RAB8B: variants seen among roughly 807,000 people sequenced by gnomAD.
The protein encoded by RAB8B is ras-related protein Rab-8B.
RAB8B carries 11 observed loss-of-function variants against 32.0 expected under a neutral mutation model. The observed-to-expected ratio is 0.34, with a 90% CI of 0.22 to 0.57. The LOEUF is 0.57. Among genes scored for constraint, RAB8B ranks in the 20% least tolerant of loss-of-function variants. The pLI is 0.86. For synonymous variants in RAB8B, 103 were observed against 89.6 expected (o/e 1.15, Z -0.85); for missense variants, 190 against 258.5 (o/e 0.73, Z 1.82).
At chr15:63,198,055 G>A (rs2037618134) in intron 1 of RAB8B, among the ~76,000 whole-genome samples, 1 of 152,060 alleles carries the variant, frequency 6.6e-6, no homozygotes, top group Non-Finnish European at 1.5e-5. Context: ...TGTGTTTTGG[G>A]ATTTTTCTTA....
chr15:63,247,262 T>C (rs749749898), intron 2 of RAB8B, among the ~76,000 whole-genome samples: 1 of 152,178 alleles, frequency 6.6e-6, no homozygotes, highest in Non-Finnish European at 1.5e-5. Context: ...AGTTCCCCTA[T>C]CTAAATACCA....
chr15:63,189,906 G>A (rs1045248992), intron 1 of RAB8B, among the ~76,000 whole-genome samples, 158 bp downstream of exon 1: 1 of 151,470 alleles, frequency 6.6e-6, no homozygotes, highest in Non-Finnish European at 1.5e-5. Flanking sequence ...TGAGGGAGAG[G>A]GGCGAGGGCG....
At chr15:63,203,544 C>G (rs1297635351) in intron 1 of RAB8B, among the ~76,000 whole-genome samples, 1 of 152,178 alleles carries the variant, frequency 6.6e-6, no homozygotes, top group Non-Finnish European at 1.5e-5. Context: ...GAGGGTAGGT[C>G]CAGACAGCTG....
rs189407303 is a variant in RAB8B, at chr15:63,199,375, A to T, written c.124+9627A>T. ...CATTGTTTAGAACTAGATAATTTTT[A>T]AAAAATTGGTGCCTCTCTCTGCCAT... On this transcript the variant is annotated intron_variant, in intron 1 of 7. Coordinates refer to ENST00000321437, the MANE Select transcript of RAB8B (RefSeq NM_016530.3). Among the ~76,000 whole-genome samples the T allele has an allele frequency of 6.3e-3, 953 of 152,288 alleles. 4 individuals carry two copies. The highest frequency in any genetic ancestry group is 0.022 in the African/African-American group (904 of 41,536).
intron 6 of RAB8B, among the ~76,000 whole-genome samples, chr15:63,260,435 A>T (rs142910750): frequency 7.2e-5 from 11 of 152,368 alleles, no homozygotes; most frequent in Admixed American, 2.0e-4. Flanking sequence ...AGGTAGATTA[A>T]GCACAATAAA....
At position 63,235,828 on chromosome 15, in the gene RAB8B, A is replaced by G. The variant is rs374403242; in HGVS notation, c.125-8928A>G. Reference sequence around the variant, plus strand: ...TTTAGATTCATCTATGTTGATAAATATGGCTTTTGTTCACTGCTCGAGTAT... The same window carrying G: ...TTTAGATTCATCTATGTTGATAAATGTGGCTTTTGTTCACTGCTCGAGTAT... On this transcript the variant is annotated intron_variant, in intron 1 of 7. Coordinates refer to ENST00000321437, the MANE Select transcript of RAB8B (RefSeq NM_016530.3). 9.2e-5 allele frequency among the ~76,000 whole-genome samples: 14 copies of G among 152,194 alleles called. No homozygotes were observed. The East Asian group carries it at 2.3e-3, about 25-fold the overall frequency.
chr15:63,194,740 A>G (rs1441794235), intron 1 of RAB8B, among the ~76,000 whole-genome samples: 1 of 152,242 alleles, frequency 6.6e-6, no homozygotes, highest in Non-Finnish European at 1.5e-5. Flanking sequence ...AGGGGTTAGC[A>G]CACTATAGCC....
Position 63,263,598 on chromosome 15 carries a change from C to A in RAB8B, c.603C>A (p.Phe201Leu), listed in dbSNP as rs776912093. The change falls in exon 8 of 8, where the codon TTC becomes TTA. Residue 201 changes from phenylalanine to leucine, a missense_variant. Around this residue, in one of 2 missense-constraint regions of RAB8B, gnomAD observed 110 missense variants for 115.9 expected, o/e 0.95. Transcript: ENST00000321437. The stretch of plus-strand genomic sequence containing the variant: ...AAAACCGATCAAAGAAGACCAGTTT[C>A]TTTCGTTGCTCGCTACTTTGATGAA... Reference protein sequence around the residue: ...ITENRSKKTSFFRCSLL With the variant: ...ITENRSKKTSLFRCSLL 6.2e-6 allele frequency: 10 copies of A among 1,610,386 alleles called. No individual in the cohort carries two copies. In the South Asian group the frequency reaches 1.1e-4, roughly 18 times the overall value.
At chr15:63,251,425 C>T (rs965707624) in intron 3 of RAB8B, 1 of 403,872 alleles carries the variant, frequency 2.5e-6, no homozygotes, top group Non-Finnish European at 5.0e-6. Flanking sequence ...GTGCTGACAC[C>T]ATTTGCATGC....
intron 1 of RAB8B, among the ~76,000 whole-genome samples, chr15:63,224,927 G>A (rs565277206): frequency 6.6e-6 from 1 of 152,248 alleles, no homozygotes; most frequent in Admixed American, 6.5e-5. Flanking sequence ...TCAGAGATGG[G>A]CAGACATGGG....
At chr15:63,238,894 A>G (rs1382365627) in intron 1 of RAB8B, among the ~76,000 whole-genome samples, 1 of 152,230 alleles carries the variant, frequency 6.6e-6, no homozygotes, top group East Asian at 1.9e-4. Context: ...TTATAAGTCC[A>G]GAAATGAGAC....
intron 7 of RAB8B, 131 bp downstream of exon 7, chr15:63,262,873 C>T: frequency 6.9e-6 from 2 of 291,918 alleles, no homozygotes; most frequent in Non-Finnish European, 1.3e-5. Context: ...TTTGGTTGAA[C>T]TCTGATTCTT....
At chr15:63,240,868 A>G (rs2038026907) in intron 1 of RAB8B, among the ~76,000 whole-genome samples, 1 of 150,968 alleles carries the variant, frequency 6.6e-6, no homozygotes, top group African/African-American at 2.4e-5. Flanking sequence ...AAATGAATGG[A>G]GAGTGAGGCT....
At chr15:63,242,359 T>A (rs2038039272) in intron 1 of RAB8B, among the ~76,000 whole-genome samples, 1 of 152,030 alleles carries the variant, frequency 6.6e-6, no homozygotes, top group Non-Finnish European at 1.5e-5. Context: ...TGTAGTAACA[T>A]AGCAGTTGAA....
At chr15:63,223,601 G>C (rs2037863754) in intron 1 of RAB8B, among the ~76,000 whole-genome samples, 1 of 152,160 alleles carries the variant, frequency 6.6e-6, no homozygotes, top group Non-Finnish European at 1.5e-5. Flanking sequence ...TACATGCTAT[G>C]ATGTTTGCAC....
At position 63,243,478 on chromosome 15, in the gene RAB8B, T is replaced by C. The variant is rs1053738597; in HGVS notation, c.125-1278T>C. 5.9e-5 allele frequency among the ~76,000 whole-genome samples: 9 copies of C among 152,356 alleles called. No individual in the cohort carries two copies. In the South Asian group the frequency reaches 8.3e-4, roughly 14 times the overall value. ...ATTTGTCAAGGGCTTTGTGGTTCTT[T>C]GTCTTTGAAATTGATAAATAAGTTT... is the stretch of plus-strand genomic sequence containing the variant. On this transcript the variant is annotated intron_variant, in intron 1 of 7. Transcript: ENST00000321437.
rs117382194 is a variant in RAB8B at position 63,248,713 on chromosome 15, A to G, written c.186-932A>G. 0.01 allele frequency among the ~76,000 whole-genome samples: 1,581 copies of G among 152,238 alleles called. 17 individuals are homozygous for G. Among genetic ancestry groups the G allele is most frequent in the Non-Finnish European group, 0.017 (1,160 of 68,016 alleles). Reference sequence around the variant, plus strand: ...AAAGTATTTTGTAAGATATATGTCTATGTTAAGGTGTTTATTGCTTTTTAA... The same window carrying G: ...AAAGTATTTTGTAAGATATATGTCTGTGTTAAGGTGTTTATTGCTTTTTAA... On this transcript the variant is annotated intron_variant, in intron 2 of 7. Coordinates refer to ENST00000321437, the MANE Select transcript of RAB8B (RefSeq NM_016530.3). This position sits in a 1 kb window ranked among gnomAD's most constrained non-coding sequence, Gnocchi z 4.4.
intron 1 of RAB8B, among the ~76,000 whole-genome samples, chr15:63,195,133 G>A (rs2037590120): frequency 6.6e-6 from 1 of 152,106 alleles, no homozygotes; most frequent in Non-Finnish European, 1.5e-5. Context: ...AATATGCAAG[G>A]AACATGCAAG....
chr15:63,200,909 A>G (rs1373819065), intron 1 of RAB8B, among the ~76,000 whole-genome samples: 4 of 152,188 alleles, frequency 2.6e-5, no homozygotes, highest in Admixed American at 1.3e-4. Context: ...GGCGTAGTCA[A>G]CATTTTGTGG....
Sources: gnomAD v4.1 joint callset for allele counts (sites outside exome capture counted in the v4.1 genomes callset) on GRCh38, gnomAD v4.1.1 for gene constraint, gnomAD v4.1.1 regional missense constraint, Gnocchi (gnomAD v3.1) non-coding constraint, MANE v1.5 for transcripts, NCBI Gene and HGNC (gene_info 2026-07-23, HGNC 2026-07-21) for gene names.